Variants in FIG4 observed in about 807,000 individuals in gnomAD.
The protein encoded by FIG4 is polyphosphoinositide phosphatase.
A neutral mutation model predicts 118.6 loss-of-function variants in FIG4; 112 were observed. The observed-to-expected ratio is 0.94, with a 90% CI of 0.81 to 1.11. The LOEUF (loss-of-function observed/expected upper bound fraction) is 1.11, where lower values mean the gene tolerates loss of function less well. Among genes scored for constraint, FIG4 ranks in the 50% least tolerant of loss-of-function variants. The probability of loss-of-function intolerance (pLI) is 0.00; values close to 1 mark genes in which losing one functional copy is unlikely to be tolerated. For missense variants in FIG4, 969 were observed against 1,111.7 expected (o/e 0.87, Z 1.83); for synonymous variants, 369 against 381.2 (o/e 0.97, Z 0.37).
intron 10 of FIG4, among the ~76,000 whole-genome samples, chr6:109,749,360 A>G (rs1470886013): frequency 6.6e-6 from 1 of 152,064 alleles, no homozygotes; most frequent in Admixed American, 6.6e-5. Flanking sequence ...GATAATCTCT[A>G]ACCTCAGCCT....
At chr6:109,801,428 A>C (rs780603818) in intron 22 of FIG4, among the ~76,000 whole-genome samples, 1 of 152,050 alleles carries the variant, frequency 6.6e-6, no homozygotes, top group Non-Finnish European at 1.5e-5. Context: ...GGCGCCTATA[A>C]TCCCAGCTAC....
At chr6:109,735,380 C>G in intron 6 of FIG4, 82 bp downstream of exon 6, 1 of 1,294,330 alleles carries the variant, frequency 7.7e-7, no homozygotes, top group Non-Finnish European at 1.1e-6. Context: ...ACATTTCCCT[C>G]ATATTTGTCC....
At position 109,694,147 on chromosome 6, in the gene FIG4, A is replaced by G. The variant is rs984764170; in HGVS notation, c.66+2646A>G. Among the ~76,000 whole-genome samples the G allele has an allele frequency of 3.9e-5, 6 of 152,320 alleles. No homozygotes were observed. In the South Asian group the frequency reaches 1.2e-3, roughly 32 times the overall value. On this transcript the variant is annotated intron_variant, in intron 1 of 22. Coordinates refer to ENST00000230124, the MANE Select transcript of FIG4 (RefSeq NM_014845.6). The stretch of plus-strand genomic sequence containing the variant: ...ATATATTATTTAGTAAAGAAAAAAA[A>G]TGAGGCAAAGATAATTTAAGGCAGT...
At chr6:109,750,724 G>A (rs752695962) in intron 10 of FIG4, among the ~76,000 whole-genome samples, 1 of 152,124 alleles carries the variant, frequency 6.6e-6, no homozygotes, top group Admixed American at 6.6e-5. Flanking sequence ...TAAAGAGGTT[G>A]ACTAACAACC....
intron 10 of FIG4, among the ~76,000 whole-genome samples, chr6:109,748,268 T>C (rs1776568564): frequency 6.6e-6 from 1 of 152,084 alleles, no homozygotes; most frequent in Non-Finnish European, 1.5e-5. Flanking sequence ...GGTAAAATAG[T>C]AATTGGGTTT....
intron 9 of FIG4, 54 bp from the exon 10 acceptor site, chr6:109,743,621 T>C: frequency 2.2e-6 from 3 of 1,364,662 alleles, no homozygotes. Context: ...ATGCTTCTTT[T>C]ATTTTGCTTT....
At chr6:109,695,603 C>CAG (rs1213318619) in intron 1 of FIG4, among the ~76,000 whole-genome samples, 2 of 112,834 alleles carry the variant, frequency 1.8e-5, no homozygotes, top group African/African-American at 3.3e-5. Flanking sequence ...CACACACAGA[C>CAG]ACACACACAC....
In FIG4 at chr6:109,784,955, A is replaced by AT; in HGVS notation, c.1890-10dup. 1 of 1,420,632 alleles carries AT rather than the reference A, an allele frequency of 7.0e-7. No homozygotes were observed. The highest frequency in any genetic ancestry group is 9.7e-7 in the Non-Finnish European group (1 of 1,029,794). 88.0% of individuals were successfully genotyped at this position (1,420,632 alleles called of 1,614,324 possible). On this transcript the variant is annotated splice_polypyrimidine_tract_variant and intron_variant, in intron 16 of 22. Transcript: ENST00000230124. Reference sequence around the variant, plus strand: ...TACATTTGGTTCATCTTTTTTTTTAATTTTTATTTTATAGTTATACTTACT... The same window carrying AT: ...TACATTTGGTTCATCTTTTTTTTTAATTTTTTATTTTATAGTTATACTTACT...
At chr6:109,761,346 G>A (rs961349087) in intron 11 of FIG4, among the ~76,000 whole-genome samples, 5 of 151,642 alleles carry the variant, frequency 3.3e-5, no homozygotes, top group East Asian at 1.9e-4. Context: ...ATGCACCACC[G>A]TGCCTGGCTA....
intron 4 of FIG4, among the ~76,000 whole-genome samples, chr6:109,729,937 C>A (rs1054589442): frequency 6.6e-6 from 1 of 151,976 alleles, no homozygotes; most frequent in South Asian, 2.1e-4. Context: ...ATGGAAAAAA[C>A]TTCAAACATT....
At chr6:109,703,432 T>G (rs1774963830) in intron 1 of FIG4, among the ~76,000 whole-genome samples, 3 of 152,234 alleles carry the variant, frequency 2.0e-5, no homozygotes, top group Non-Finnish European at 4.4e-5. Context: ...TAAATTGGAT[T>G]GCTTCTTGAC....
intron 1 of FIG4, among the ~76,000 whole-genome samples, chr6:109,707,309 ATG>A (rs1491559859): frequency 1.5e-5 from 2 of 136,590 alleles, no homozygotes; most frequent in Non-Finnish European, 3.1e-5. Context: ...GTGTGTGTGT[ATG>A]TGTATATATA....
chr6:109,704,278 G>T (rs1163537458), intron 1 of FIG4, among the ~76,000 whole-genome samples: 1 of 152,158 alleles, frequency 6.6e-6, no homozygotes, highest in African/African-American at 2.4e-5. Flanking sequence ...ATCGAGCCTA[G>T]TGCCTGACAC....
intron 21 of FIG4, among the ~76,000 whole-genome samples, chr6:109,794,610 C>G (rs1226041348): frequency 6.6e-6 from 1 of 152,246 alleles, no homozygotes; most frequent in Non-Finnish European, 1.5e-5. Flanking sequence ...TTGGCACCCA[C>G]TTTTGGCTCA....
chr6:109,821,480 G>C (rs994663178), intron 22 of FIG4, among the ~76,000 whole-genome samples: 1 of 152,188 alleles, frequency 6.6e-6, no homozygotes, highest in South Asian at 2.1e-4. Flanking sequence ...AATAAAAGAG[G>C]TTAAAACAGA....
intron 1 of FIG4, among the ~76,000 whole-genome samples, chr6:109,714,412 GCT>G (rs1389328950): frequency 7.2e-5 from 11 of 152,064 alleles, no homozygotes; most frequent in Non-Finnish European, 2.9e-5. Context: ...GTTCCGCCTG[GCT>G]GCCTCTAGTC....
At chr6:109,812,930 G>A (rs145892008) in intron 22 of FIG4, among the ~76,000 whole-genome samples, 11 of 152,222 alleles carry the variant, frequency 7.2e-5, no homozygotes, top group South Asian at 2.1e-4. Context: ...AGAGATCCTC[G>A]AAAAGGCACT....
At chr6:109,734,960 T>C (rs551386597) in intron 5 of FIG4, among the ~76,000 whole-genome samples, 190 bp from the exon 6 acceptor site, 22 of 152,274 alleles carry the variant, frequency 1.4e-4, no homozygotes, top group African/African-American at 5.1e-4. Flanking sequence ...AGTCATGCAG[T>C]GAGGTTTTTA....
intron 10 of FIG4, among the ~76,000 whole-genome samples, chr6:109,754,048 C>T (rs1240803200): frequency 1.3e-5 from 2 of 152,200 alleles, no homozygotes; most frequent in Admixed American, 1.3e-4. Context: ...CCAGTTTTTG[C>T]CCATTCAGTA....
Sources: allele counts gnomAD v4.1 joint callset (sites outside exome capture counted in the v4.1 genomes callset), GRCh38; gene constraint gnomAD v4.1.1; transcripts MANE v1.5; gene names NCBI Gene and HGNC (gene_info 2026-07-23, HGNC 2026-07-21).